OXSR1: variants seen among roughly 807,000 people sequenced by gnomAD.
The protein encoded by OXSR1 is serine/threonine-protein kinase OSR1.
In OXSR1, 24 loss-of-function variants were observed where a neutral mutation model predicts 79.8. The ratio of observed to expected loss-of-function variants is 0.30; its 90% CI spans 0.22 to 0.42. OXSR1 has a LOEUF of 0.42. OXSR1 is among the 10% of genes least tolerant of loss of function. OXSR1 has a pLI of 1.00. For missense variants in OXSR1, 430 were observed against 618.4 expected (o/e 0.70, Z 3.23); for synonymous variants, 226 against 209.2 (o/e 1.08, Z -0.69).
intron 1 of OXSR1, among the ~76,000 whole-genome samples, chr3:38,170,932 A>G (rs1005284805): frequency 3.9e-5 from 6 of 152,046 alleles, no homozygotes; most frequent in Non-Finnish European, 8.8e-5. Context: ...ATGTGCCACC[A>G]TGCCCGCCTC....
intron 1 of OXSR1, among the ~76,000 whole-genome samples, chr3:38,168,588 A>G (rs935594051): frequency 7.9e-5 from 12 of 152,242 alleles, no homozygotes; most frequent in African/African-American, 1.2e-4. Context: ...GTAAATTTAC[A>G]TAATTGTTCA....
Position 38,165,538 on chromosome 3 carries a change from G to T in OXSR1, c.-339G>T. 6.4e-6 allele frequency: 2 copies of T among 314,316 alleles called. No homozygotes were observed. Among genetic ancestry groups the T allele is most frequent in the Non-Finnish European group, 1.2e-5 (2 of 170,408 alleles). 19.5% of individuals were successfully genotyped at this position (314,316 alleles called of 1,614,324 possible). A position where few individuals can be genotyped will look rare whatever the true frequency, so the allele number is the denominator to read the frequency against. ...AGGTGGAGGAAGAGGGGAAAGTTTG[G>T]CCCGTGCGTGGGGCTGGGGTGGAGG... On this transcript the variant is annotated 5_prime_UTR_variant, in exon 1 of 18. Coordinates refer to ENST00000311806, the MANE Select transcript of OXSR1 (RefSeq NM_005109.3).
At chr3:38,197,992 A>C (rs1702097894) in intron 3 of OXSR1, among the ~76,000 whole-genome samples, 1 of 152,198 alleles carries the variant, frequency 6.6e-6, no homozygotes, top group Admixed American at 6.5e-5. Flanking sequence ...GAAATCTTAC[A>C]AATTTCCACC....
At position 38,165,573 on chromosome 3, in the gene OXSR1, A is replaced by G; in HGVS notation, c.-304A>G. 2.6e-6 allele frequency: 1 copy of G among 384,706 alleles called. No homozygotes were observed. The highest frequency in any genetic ancestry group is 3.6e-5 in the South Asian group (1 of 27,426). 23.8% of individuals were successfully genotyped at this position (384,706 alleles called of 1,614,324 possible). A position where few individuals can be genotyped will look rare whatever the true frequency, so the allele number is the denominator to read the frequency against. On this transcript the variant is annotated 5_prime_UTR_variant, in exon 1 of 18. Transcript: ENST00000311806. ...GGGGCTGGGGTGGAGGGCGGGACAGAGGGGCTGGGCCCAGGCAAAGCTTCT... is the reference window on the plus strand; with the variant it reads ...GGGGCTGGGGTGGAGGGCGGGACAGGGGGGCTGGGCCCAGGCAAAGCTTCT...
chr3:38,168,956 T>G (rs1043959788), intron 1 of OXSR1, among the ~76,000 whole-genome samples: 3 of 152,244 alleles, frequency 2.0e-5, no homozygotes, highest in Non-Finnish European at 4.4e-5. Context: ...ATGAATATGT[T>G]TCATTTTTCT....
chr3:38,206,636 GT>G (rs1702268747), intron 4 of OXSR1, among the ~76,000 whole-genome samples: 1 of 152,058 alleles, frequency 6.6e-6, no homozygotes, highest in African/African-American at 2.4e-5. Flanking sequence ...GTGTTCTGAA[GT>G]AAAAACTTTG....
chr3:38,165,685 G>A lies in OXSR1; in HGVS notation c.-192G>A. ...GAGGAGCAGGAGGCGAGGTCCGCCG[G>A]AGCTCTGAGCCCCCGCTGCTCTGCC... is the stretch of plus-strand genomic sequence containing the variant. On this transcript the variant is annotated 5_prime_UTR_variant, in exon 1 of 18. Transcript: ENST00000311806. The A allele has an allele frequency of 3.7e-6, 2 of 544,684 alleles. No individual in the cohort carries two copies. Among genetic ancestry groups the A allele is most frequent in the Non-Finnish European group, 6.4e-6 (2 of 310,522 alleles). The allele number at this position is 544,684 out of a possible 1,614,324, so 33.7% of individuals were successfully genotyped here.
intron 2 of OXSR1, among the ~76,000 whole-genome samples, chr3:38,185,167 G>A (rs568145395): frequency 1.3e-5 from 2 of 151,474 alleles, no homozygotes; most frequent in Admixed American, 1.3e-4. Context: ...TATATAATTC[G>A]ACAGAATTTG....
At chr3:38,248,747 C>G (rs1048340473) in intron 14 of OXSR1, among the ~76,000 whole-genome samples, 12 of 152,254 alleles carry the variant, frequency 7.9e-5, no homozygotes, top group African/African-American at 2.9e-4. Flanking sequence ...ACTTAGTATA[C>G]CTGGTCTCAT....
intron 4 of OXSR1, among the ~76,000 whole-genome samples, chr3:38,210,024 A>G (rs1702353388): frequency 6.7e-6 from 1 of 149,930 alleles, no homozygotes; most frequent in Non-Finnish European, 1.5e-5. Context: ...TTGAAGGATA[A>G]TTTTGCTGGA....
Position 38,216,099 on chromosome 3 carries a change from T to A in OXSR1, c.438T>A (p.Asp146Glu). The change falls in exon 5 of 18, where the codon GAT becomes GAA. Residue 146 changes from aspartate (D) to glutamate (E), a missense_variant. Around this residue, in one of 3 missense-constraint regions of OXSR1, gnomAD observed 145 missense variants for 228.3 expected, o/e 0.64. Coordinates refer to ENST00000311806, the MANE Select transcript of OXSR1 (RefSeq NM_005109.3). ...YLHKNGQIHR[D>E]VKAGNILLGE... ...AACTTTTTTTTTTTTTTTAAAGAGA[T>A]GTGAAAGCTGGAAACATTCTTCTTG... is the stretch of plus-strand genomic sequence containing the variant. The A allele has an allele frequency of 6.3e-7, 1 of 1,579,654 alleles. No homozygotes were observed.
chr3:38,212,426 A>T (rs1702406007), intron 4 of OXSR1, among the ~76,000 whole-genome samples: 1 of 152,206 alleles, frequency 6.6e-6, no homozygotes, highest in Admixed American at 6.5e-5. Context: ...TCTAAATCAG[A>T]CTTTTCTCTC....
intron 12 of OXSR1, 29 bp from the exon 13 acceptor site, chr3:38,246,046 A>G: frequency 3.7e-6 from 6 of 1,609,836 alleles, no homozygotes; most frequent in African/African-American, 2.7e-5. Context: ...CACACAACTT[A>G]AGCAACACTG....
intron 12 of OXSR1, among the ~76,000 whole-genome samples, chr3:38,242,989 G>A (rs1160130039): frequency 6.6e-6 from 1 of 151,356 alleles, no homozygotes; most frequent in Non-Finnish European, 1.5e-5. Flanking sequence ...GGCTTGGGCT[G>A]CTGGAAGTGA....
At chr3:38,247,806 G>GAGAGTAACTGGAT in intron 14 of OXSR1, 74 bp downstream of exon 14, 1 of 895,876 alleles carries the variant, frequency 1.1e-6, no homozygotes, top group Non-Finnish European at 1.8e-6. Context: ...GTCTGTGCCT[G>GAGAGTAACTGGAT]AGAGTAACTG....
chr3:38,248,914 A>G (rs1168074124), intron 14 of OXSR1, among the ~76,000 whole-genome samples: 5 of 152,306 alleles, frequency 3.3e-5, no homozygotes, highest in Non-Finnish European at 7.4e-5. Flanking sequence ...CTGAGAAAAG[A>G]GAAAATTAAA....
chr3:38,181,529 T>C (rs539170554), intron 1 of OXSR1, among the ~76,000 whole-genome samples: 60 of 152,024 alleles, frequency 3.9e-4, no homozygotes, highest in African/African-American at 1.4e-3. Context: ...CTAATTTTTG[T>C]ATTTTTAGTA....
At chr3:38,210,682 T>A (rs1053692859) in intron 4 of OXSR1, among the ~76,000 whole-genome samples, 3 of 152,228 alleles carry the variant, frequency 2.0e-5, no homozygotes, top group Non-Finnish European at 4.4e-5. Context: ...AATAGTCTTC[T>A]GCTGCTGGGC....
At chr3:38,251,502 C>G in intron 16 of OXSR1, 31 bp downstream of exon 16, 1 of 1,531,456 alleles carries the variant, frequency 6.5e-7, no homozygotes, top group South Asian at 1.1e-5. Context: ...TCATGTGCTC[C>G]TGTGTCTCTG....
Sources: gnomAD v4.1 joint callset for allele counts (sites outside exome capture counted in the v4.1 genomes callset) on GRCh38, gnomAD v4.1.1 for gene constraint, gnomAD v4.1.1 regional missense constraint, MANE v1.5 for transcripts, NCBI Gene and HGNC (gene_info 2026-07-23, HGNC 2026-07-21) for gene names.